Variants in TMEM135 observed in about 807,000 individuals in gnomAD.
TMEM135 encodes transmembrane protein 135.
A neutral mutation model predicts 60.3 loss-of-function variants in TMEM135; 30 were observed. The observed-to-expected ratio is 0.50, with a 90% CI of 0.37 to 0.68. TMEM135 has a LOEUF of 0.68. TMEM135 is among the 30% of genes least tolerant of loss of function. TMEM135 has a pLI of 0.00. For missense variants in TMEM135, 468 were observed against 548.8 expected (o/e 0.85, Z 1.47); for synonymous variants, 190 against 186.7 (o/e 1.02, Z -0.14).
intron 4 of TMEM135, among the ~76,000 whole-genome samples, chr11:87,152,609 T>G (rs1565463305): frequency 6.6e-6 from 1 of 152,096 alleles, no homozygotes; most frequent in Non-Finnish European, 1.5e-5. Context: ...TGGCTGATTT[T>G]TTGTATTTTT....
chr11:87,236,524 G>A (rs1940999291), intron 5 of TMEM135, 114 bp from the exon 6 acceptor site: 1 of 876,814 alleles, frequency 1.1e-6, no homozygotes, highest in South Asian at 1.4e-5. Flanking sequence ...TGACTGGTTT[G>A]TATATCCTTT....
chr11:87,275,222 T>G (rs1941947053), intron 6 of TMEM135, among the ~76,000 whole-genome samples: 1 of 152,192 alleles, frequency 6.6e-6, no homozygotes, highest in Non-Finnish European at 1.5e-5. Context: ...TTTCACTTTA[T>G]TTTCCTCTTT....
At chr11:87,206,724 C>T (rs941047706) in intron 5 of TMEM135, among the ~76,000 whole-genome samples, 1 of 152,116 alleles carries the variant, frequency 6.6e-6, no homozygotes. Context: ...CGTATTTTGA[C>T]AGGATACTAA....
chr11:87,139,287 T>G (rs1376227605), intron 4 of TMEM135, among the ~76,000 whole-genome samples: 1 of 152,204 alleles, frequency 6.6e-6, no homozygotes, highest in Non-Finnish European at 1.5e-5. Context: ...GGTAGTATTT[T>G]GAGAAAACAG....
At chr11:87,115,468 G>T (rs1857857356) in intron 4 of TMEM135, among the ~76,000 whole-genome samples, 1 of 152,074 alleles carries the variant, frequency 6.6e-6, no homozygotes, top group Admixed American at 6.6e-5. Flanking sequence ...CCTAATGCCA[G>T]TCCCTCTTTA....
intron 10 of TMEM135, among the ~76,000 whole-genome samples, chr11:87,312,007 G>A (rs1942647506): frequency 2.6e-5 from 4 of 151,450 alleles, no homozygotes; most frequent in Non-Finnish European, 4.4e-5. Context: ...CAGAGAGTTG[G>A]CCCTTTCTTT....
chr11:87,130,120 TTA>T (rs1279337348), intron 4 of TMEM135, among the ~76,000 whole-genome samples: 8 of 132,128 alleles, frequency 6.1e-5, no homozygotes, highest in African/African-American at 2.3e-4. Context: ...AAGTACATTT[TTA>T]AAAAAAAAAA....
chr11:87,226,030 C>T (rs1017805685), intron 5 of TMEM135, among the ~76,000 whole-genome samples: 4 of 151,998 alleles, frequency 2.6e-5, no homozygotes, highest in African/African-American at 4.8e-5. Context: ...CCTTTTAGTT[C>T]CTCACTCTTC....
At chr11:87,044,786 G>A (rs1010373691) in intron 1 of TMEM135, among the ~76,000 whole-genome samples, 2 of 151,818 alleles carry the variant, frequency 1.3e-5, no homozygotes, top group African/African-American at 4.8e-5. Flanking sequence ...GAGTAGCTGG[G>A]ACTACAGGCC....
chr11:87,215,243 C>T (rs1185618413), intron 5 of TMEM135, among the ~76,000 whole-genome samples: 1 of 152,054 alleles, frequency 6.6e-6, no homozygotes, highest in Non-Finnish European at 1.5e-5. Flanking sequence ...AAGTGATTTC[C>T]AGGTAACTAT....
rs955361419 is a variant in TMEM135 at position 87,326,696 on chromosome 11, A to T, written c.*5363A>T. ...TTCATCTTGAGCTCTCAAGGGAAAAAACAGGAGTCCTTATTTTTCTATTTA... is the reference window on the plus strand; with the variant it reads ...TTCATCTTGAGCTCTCAAGGGAAAATACAGGAGTCCTTATTTTTCTATTTA... On this transcript the variant is annotated 3_prime_UTR_variant, in exon 15 of 15. Transcript: ENST00000305494. 4.4e-6 allele frequency: 2 copies of T among 452,320 alleles called. No individual in the cohort carries two copies. The highest frequency in any genetic ancestry group is 4.0e-5 in the African/African-American group (2 of 49,814). 28.0% of individuals were successfully genotyped at this position (452,320 alleles called of 1,614,324 possible).
Position 87,104,448 on chromosome 11 carries a change from T to C in TMEM135, c.396+13053T>C, listed in dbSNP as rs111242024. Among the ~76,000 whole-genome samples the C allele has an allele frequency of 3.3e-3, 501 of 152,304 alleles. 5 individuals are homozygous for C. The highest frequency in any genetic ancestry group is 0.011 in the African/African-American group (477 of 41,562). On this transcript the variant is annotated intron_variant, in intron 4 of 14. Coordinates refer to ENST00000305494, the MANE Select transcript of TMEM135 (RefSeq NM_022918.4). ...TTGTGGTTCCATTTGAACTTAAAGA[T>C]TGCTTTTTCTATTTCTGTGAAAAAT... is the stretch of plus-strand genomic sequence containing the variant.
At chr11:87,136,861 C>T (rs1003480626) in intron 4 of TMEM135, among the ~76,000 whole-genome samples, 6 of 151,922 alleles carry the variant, frequency 3.9e-5, no homozygotes, top group Non-Finnish European at 8.8e-5. Context: ...CACCTCATTC[C>T]TGATAATGGT....
intron 7 of TMEM135, among the ~76,000 whole-genome samples, chr11:87,299,074 G>A (rs1942400086): frequency 6.6e-6 from 1 of 151,958 alleles, no homozygotes; most frequent in Non-Finnish European, 1.5e-5. Context: ...GGCAATAAGA[G>A]CAAAAACTCC....
intron 5 of TMEM135, among the ~76,000 whole-genome samples, chr11:87,207,237 G>A (rs2135338483): frequency 6.6e-6 from 1 of 152,260 alleles, no homozygotes; most frequent in East Asian, 1.9e-4. Context: ...GGGTTCTTGG[G>A]AAGAATTCTC....
At chr11:87,174,828 C>T (rs1939328553) in intron 5 of TMEM135, among the ~76,000 whole-genome samples, 1 of 152,088 alleles carries the variant, frequency 6.6e-6, no homozygotes, top group African/African-American at 2.4e-5. Flanking sequence ...CATTGTTTCA[C>T]TTAAAATAGC....
intron 3 of TMEM135, among the ~76,000 whole-genome samples, chr11:87,086,557 G>GC (rs1555101534): frequency 6.6e-6 from 1 of 151,792 alleles, no homozygotes. Flanking sequence ...ACAGTTTGGT[G>GC]TTTTTTTTCC....
At chr11:87,214,282 G>A (rs1940448457) in intron 5 of TMEM135, among the ~76,000 whole-genome samples, 2 of 152,170 alleles carry the variant, frequency 1.3e-5, no homozygotes, top group African/African-American at 4.8e-5. Context: ...GGACTTACAG[G>A]ACCAGCAGGT....
chr11:87,305,573 A>T (rs1310997282), intron 8 of TMEM135, among the ~76,000 whole-genome samples: 1 of 152,088 alleles, frequency 6.6e-6, no homozygotes, highest in Non-Finnish European at 1.5e-5. Context: ...CAGGAGCTCG[A>T]GACCAGCCTG....
Sources: gnomAD v4.1 joint callset for allele counts (sites outside exome capture counted in the v4.1 genomes callset) on GRCh38, gnomAD v4.1.1 for gene constraint, MANE v1.5 for transcripts, NCBI Gene and HGNC (gene_info 2026-07-23, HGNC 2026-07-21) for gene names.